The following TFB2M variants were observed in gnomAD, a reference collection of about 807,000 sequenced individuals.
TFB2M encodes dimethyladenosine transferase 2, mitochondrial.
A neutral mutation model predicts 41.3 loss-of-function variants in TFB2M; 44 were observed. That is an observed-to-expected ratio of 1.07 (90% CI 0.84 to 1.37). TFB2M has a LOEUF of 1.37. Ranked by LOEUF, TFB2M falls within the 40% of genes most tolerant of loss-of-function variation. TFB2M has a pLI of 0.00. For missense variants in TFB2M, 496 were observed against 490.2 expected (o/e 1.01, Z -0.11); for synonymous variants, 188 against 176.8 (o/e 1.06, Z -0.50).
intron 7 of TFB2M, among the ~76,000 whole-genome samples, chr1:246,544,070 C>G (rs1421492138): frequency 5.3e-5 from 8 of 152,164 alleles, no homozygotes; most frequent in Admixed American, 5.2e-4. Flanking sequence ...TTTTACAAAG[C>G]TTTGGGTAAA....
At chr1:246,553,953 G>GT (rs1198638531) in intron 4 of TFB2M, among the ~76,000 whole-genome samples, 1 of 152,272 alleles carries the variant, frequency 6.6e-6, no homozygotes, top group African/African-American at 2.4e-5. Flanking sequence ...ACTTACCAAG[G>GT]TAACAGTAGC....
chr1:246,551,807 G>A lies in TFB2M; in HGVS notation c.706-505C>T, dbSNP rs140152369. Among the ~76,000 whole-genome samples the A allele has an allele frequency of 1.6e-3, 249 of 152,332 alleles. 1 individual carries two copies. The highest frequency in any genetic ancestry group is 5.7e-3 in the African/African-American group (235 of 41,566). On this transcript the variant is annotated intron_variant, in intron 4 of 7. Coordinates refer to ENST00000366514, the MANE Select transcript of TFB2M (RefSeq NM_022366.3). ...ATGTGAAAAGGTCCACGGCAAAAGA[G>A]GCATGGGCCAGTGGAATATAACCCT...
intron 5 of TFB2M, among the ~76,000 whole-genome samples, chr1:246,550,905 T>C (rs1469638404): frequency 1.3e-5 from 2 of 151,788 alleles, no homozygotes; most frequent in East Asian, 3.9e-4. Flanking sequence ...AAATAAAAAA[T>C]AGAGCCAGGT....
chr1:246,542,867 T>C (rs1385806398), intron 7 of TFB2M, among the ~76,000 whole-genome samples: 1 of 151,880 alleles, frequency 6.6e-6, no homozygotes, highest in East Asian at 1.9e-4. Flanking sequence ...TGCCTTTTAT[T>C]AGTCTATTGC....
chr1:246,555,164 G>C (rs1016656482), intron 4 of TFB2M, among the ~76,000 whole-genome samples: 1 of 152,112 alleles, frequency 6.6e-6, no homozygotes, highest in Non-Finnish European at 1.5e-5. Context: ...CATTAGGAGA[G>C]GTATTACCAA....
chr1:246,548,612 G>T lies in TFB2M; in HGVS notation c.796-5C>A. ...ATCAAATGATGACCAAGGCTCCTGG[G>T]GAAGAAAAACAAAGCAAAACAACAT... On this transcript the variant is annotated splice_polypyrimidine_tract_variant and splice_region_variant and intron_variant, in intron 5 of 7. Transcript: ENST00000366514. 1 of 1,611,066 alleles carries T rather than the reference G, an allele frequency of 6.2e-7. No homozygotes were observed. The highest frequency in any genetic ancestry group is 1.1e-5 in the South Asian group (1 of 90,458).
chr1:246,552,074 T>C (rs1260382943), intron 4 of TFB2M, among the ~76,000 whole-genome samples: 3 of 152,180 alleles, frequency 2.0e-5, no homozygotes, highest in Non-Finnish European at 4.4e-5. Flanking sequence ...TTAATAGTAC[T>C]ATCTTAATAG....
chr1:246,555,097 C>T (rs781750536), intron 4 of TFB2M, among the ~76,000 whole-genome samples: 1 of 152,100 alleles, frequency 6.6e-6, no homozygotes, highest in Non-Finnish European at 1.5e-5. Flanking sequence ...ATATATTCAA[C>T]ATGACTAATT....
chr1:246,562,963 G>A (rs1572093079), intron 2 of TFB2M, among the ~76,000 whole-genome samples: 1 of 152,068 alleles, frequency 6.6e-6, no homozygotes, highest in Non-Finnish European at 1.5e-5. Context: ...CGGCCCACAG[G>A]AAACATTTTT....
chr1:246,552,254 C>A (rs1659205284), intron 4 of TFB2M, among the ~76,000 whole-genome samples: 1 of 151,986 alleles, frequency 6.6e-6, no homozygotes, highest in South Asian at 2.1e-4. Flanking sequence ...CCATAGCACT[C>A]CAGCATGGGC....
chr1:246,552,132 G>A (rs957946708), intron 4 of TFB2M, among the ~76,000 whole-genome samples: 2 of 152,080 alleles, frequency 1.3e-5, no homozygotes, highest in Non-Finnish European at 2.9e-5. Context: ...ACAAAAAGCT[G>A]GGTGCAGTGG....
intron 5 of TFB2M, among the ~76,000 whole-genome samples, 166 bp from the exon 6 acceptor site, chr1:246,548,773 A>AT (rs1306701458): frequency 8.5e-5 from 13 of 152,296 alleles, no homozygotes; most frequent in Admixed American, 5.9e-4. Context: ...TCTCTCCTTA[A>AT]TTTTTTTAAA....
At chr1:246,546,988 T>C (rs1295965444) in intron 6 of TFB2M, among the ~76,000 whole-genome samples, 3 of 91,970 alleles carry the variant, frequency 3.3e-5, no homozygotes, top group Non-Finnish European at 5.4e-5. Flanking sequence ...CACACATTTT[T>C]TTTTTTTTTT....
At chr1:246,544,898 C>A (rs538835403) in intron 6 of TFB2M, among the ~76,000 whole-genome samples, 1 of 152,128 alleles carries the variant, frequency 6.6e-6, no homozygotes, top group Non-Finnish European at 1.5e-5. Context: ...CTCCATCTCC[C>A]GGGTTCATGC....
At chr1:246,562,917 C>T (rs928149226) in intron 2 of TFB2M, among the ~76,000 whole-genome samples, 8 of 152,142 alleles carry the variant, frequency 5.3e-5, no homozygotes, top group Non-Finnish European at 1.2e-4. Context: ...CTCTGCCTCC[C>T]GAAGTGCTGG....
At chr1:246,562,890 C>T (rs957652731) in intron 2 of TFB2M, among the ~76,000 whole-genome samples, 14 of 152,030 alleles carry the variant, frequency 9.2e-5, no homozygotes, top group African/African-American at 3.4e-4. Context: ...AATCTCTTAA[C>T]CTAGTGATCC....
In TFB2M at chr1:246,541,011, CA is replaced by C; in HGVS notation, c.*19del. On this transcript the variant is annotated 3_prime_UTR_variant, in exon 8 of 8. Coordinates refer to ENST00000366514, the MANE Select transcript of TFB2M (RefSeq NM_022366.3). The stretch of plus-strand genomic sequence containing the variant: ...TTTCCAAATAAATGAACCGCTCCAC[CA>C]AAAACGACAGTCTAGTTGCTACCTA... 9 of 1,578,220 alleles carry C rather than the reference CA, an allele frequency of 5.7e-6. No homozygotes were observed. The highest frequency in any genetic ancestry group is 3.8e-5 in the Admixed American group (2 of 52,796).
intron 3 of TFB2M, among the ~76,000 whole-genome samples, chr1:246,557,024 A>G (rs772222572): frequency 6.6e-6 from 1 of 152,170 alleles, no homozygotes; most frequent in Non-Finnish European, 1.5e-5. Flanking sequence ...CTGTAATCCC[A>G]GCACTTTGGG....
At chr1:246,558,010 T>A (rs1384511363) in intron 2 of TFB2M, among the ~76,000 whole-genome samples, 1 of 151,990 alleles carries the variant, frequency 6.6e-6, no homozygotes, top group Non-Finnish European at 1.5e-5. Flanking sequence ...TCCATAACTA[T>A]GTAAAGAAAA....
Sources: gnomAD v4.1 joint callset for allele counts (sites outside exome capture counted in the v4.1 genomes callset) on GRCh38, gnomAD v4.1.1 for gene constraint, MANE v1.5 for transcripts, NCBI Gene and HGNC (gene_info 2026-07-23, HGNC 2026-07-21) for gene names.